Variants in ADAMTSL4 observed in about 807,000 individuals in gnomAD.
ADAMTSL4 encodes ADAMTS-like protein 4.
In ADAMTSL4, 97 loss-of-function variants were observed where a neutral mutation model predicts 122.8. That is an observed-to-expected ratio of 0.79 (90% CI 0.67 to 0.93). The LOEUF is 0.93. Among genes scored for constraint, ADAMTSL4 ranks in the 40% least tolerant of loss-of-function variants. ADAMTSL4 has a pLI of 0.00. For missense variants in ADAMTSL4, 1,408 were observed against 1,453.5 expected (o/e 0.97, Z 0.51); for synonymous variants, 592 against 568.0 (o/e 1.04, Z -0.60).
chr1:150,557,787 C>A, intron 13 of ADAMTSL4, 158 bp from the exon 14 acceptor site: 1 of 1,300,910 alleles, frequency 7.7e-7, no homozygotes, highest in Non-Finnish European at 1.0e-6. Flanking sequence ...AAAGCCATGG[C>A]AGGCTGAGCC....
rs201941243 is a variant in ADAMTSL4, at chr1:150,560,119, G to A, written c.3148G>A (p.Val1050Ile). 4.3e-5 allele frequency: 70 copies of A among 1,613,984 alleles called. No homozygotes were observed. The Middle Eastern group carries it at 4.9e-4, about 11-fold the overall frequency. ...CCTGGTGGTACAGGCCCGGCTCTGC[G>A]TCTACCCCTACTACACAGCCACCTG... ...CPLVVQARLCVYPYYTATCCR... is the reference protein window; with the variant it reads ...CPLVVQARLCIYPYYTATCCR... The change falls in exon 19 of 19, where the codon GTC (valine) becomes ATC (isoleucine). Residue 1050 changes from valine (V) to isoleucine (I), a missense_variant. Physicochemically the swap from Val to Ile is conservative, Grantham distance 29. Transcript: ENST00000271643.
chr1:150,552,262 T>A lies in ADAMTSL4; in HGVS notation c.-27T>A. 6.5e-7 allele frequency: 1 copy of A among 1,549,516 alleles called. No homozygotes were observed. Among genetic ancestry groups the A allele is most frequent in the African/African-American group, 1.4e-5 (1 of 72,928 alleles). ...TTTTTGTGACCAGTCCGCTCCTGCC[T>A]CCCCCTGGGGCAGTAGAGGGGGAGC... On this transcript the variant is annotated 5_prime_UTR_variant, in exon 3 of 19. Coordinates refer to ENST00000271643, the MANE Select transcript of ADAMTSL4 (RefSeq NM_019032.6). The surrounding 1 kb of genome is among the most constrained non-coding windows in gnomAD (Gnocchi z 4.0).
Position 150,560,302 on chromosome 1 carries a change from G to A in ADAMTSL4, c.*106G>A. ...TCCAGCCTGTCCCAGTCTCAGCAGG[G>A]ATGTCCTCCAGGTGACAGAGGGTGG... On this transcript the variant is annotated 3_prime_UTR_variant, in exon 19 of 19. Coordinates refer to ENST00000271643, the MANE Select transcript of ADAMTSL4 (RefSeq NM_019032.6). 1 of 1,522,480 alleles carries A rather than the reference G, an allele frequency of 6.6e-7. No individual in the cohort carries two copies. Among genetic ancestry groups the A allele is most frequent in the Non-Finnish European group, 8.9e-7 (1 of 1,127,122 alleles). The allele number at this position is 1,522,480 out of a possible 1,614,324, so 94.3% of individuals were successfully genotyped here.
At position 150,553,130 on chromosome 1, in the gene ADAMTSL4, C is replaced by T. The variant is rs775513427; in HGVS notation, c.311C>T (p.Pro104Leu). 9 of 1,613,094 alleles carry T rather than the reference C, an allele frequency of 5.6e-6. No homozygotes were observed. Among genetic ancestry groups the T allele is most frequent in the Non-Finnish European group, 7.6e-6 (9 of 1,179,750 alleles). Residue 104 changes from proline (P) to leucine (L), a missense_variant, in exon 5 of 19, where the codon CCC becomes CTC. Coordinates refer to ENST00000271643, the MANE Select transcript of ADAMTSL4 (RefSeq NM_019032.6). The part of the protein sequence containing the change: ...ALLPRGQGPR[P>L]QTSPETLPLY... ...CTCCCCCGGGGCCAGGGTCCCAGAC[C>T]CCAGACTTCTCCAGAAACCCTCCCC...
rs779222888 is a variant in ADAMTSL4, at chr1:150,554,134, C to T, written c.1131+12C>T. 31 of 1,598,118 alleles carry T rather than the reference C, an allele frequency of 1.9e-5. No homozygotes were observed. Among genetic ancestry groups the T allele is most frequent in the East Asian group, 8.9e-5 (4 of 44,890 alleles). On this transcript the variant is annotated intron_variant, in intron 6 of 18. Coordinates refer to ENST00000271643, the MANE Select transcript of ADAMTSL4 (RefSeq NM_019032.6). This position sits in a 1 kb window ranked among gnomAD's most constrained non-coding sequence, Gnocchi z 4.0. Reference sequence around the variant, plus strand: ...CCTGCAGCCAAGCGGTGAGTCTCCTCGGGCCTCCCCTCCCAACCCCGACCT... The same window carrying T: ...CCTGCAGCCAAGCGGTGAGTCTCCTTGGGCCTCCCCTCCCAACCCCGACCT...
In ADAMTSL4 at chr1:150,554,625, A is replaced by G. The variant is rs1046608087; in HGVS notation, c.1234+158A>G. 3.2e-6 allele frequency: 5 copies of G among 1,544,280 alleles called. No individual in the cohort carries two copies. The highest frequency in any genetic ancestry group is 4.4e-6 in the Non-Finnish European group (5 of 1,146,992). On this transcript the variant is annotated intron_variant, in intron 7 of 18. Coordinates refer to ENST00000271643, the MANE Select transcript of ADAMTSL4 (RefSeq NM_019032.6). This position sits in a 1 kb window ranked among gnomAD's most constrained non-coding sequence, Gnocchi z 4.0. The stretch of plus-strand genomic sequence containing the variant: ...TCTCCCTGGGGCTGGGTCAGGAGAC[A>G]GCACAGGTGGTGAGTGGTCTGCAGA...
Position 150,553,706 on chromosome 1 carries a change from G to T in ADAMTSL4, c.715G>T (p.Glu239Ter). ...TCTAAGCCCTGAAACTGCTCAGACA[G>T]AGGTGGCCCCCAGAACCAGGCCTGC... The part of the protein sequence containing the change: ...EPLSPETAQT[E>*]VAPRTRPAPL... The change falls in exon 6 of 19, where the codon GAG becomes TAG. Residue 239 changes from glutamate to a stop codon, truncating the protein, a stop_gained. Transcript: ENST00000271643. LOFTEE classifies it high-confidence loss of function. 1 of 1,612,676 alleles carries T rather than the reference G, an allele frequency of 6.2e-7. No homozygotes were observed. Among genetic ancestry groups the T allele is most frequent in the Non-Finnish European group, 8.5e-7 (1 of 1,179,642 alleles).
Position 150,560,107 on chromosome 1 carries a change from G to A in ADAMTSL4, c.3136G>A (p.Ala1046Thr), listed in dbSNP as rs777532908. 1 of 1,614,046 alleles carries A rather than the reference G, an allele frequency of 6.2e-7. No individual in the cohort carries two copies. The highest frequency in any genetic ancestry group is 1.1e-5 in the South Asian group (1 of 91,088). Residue 1046 changes from alanine (A) to threonine (T), a missense_variant, in exon 19 of 19, where the codon GCC becomes ACC. Physicochemically the swap from Ala to Thr is moderately conservative, Grantham distance 58. Transcript: ENST00000271643. Reference sequence around the variant, plus strand: ...TCCACATTGCCCCCTGGTGGTACAGGCCCGGCTCTGCGTCTACCCCTACTA... The same window carrying A: ...TCCACATTGCCCCCTGGTGGTACAGACCCGGCTCTGCGTCTACCCCTACTA... Reference protein sequence around the residue: ...SSPHCPLVVQARLCVYPYYTA... With the variant: ...SSPHCPLVVQTRLCVYPYYTA...
In ADAMTSL4 at chr1:150,553,191, A is replaced by G. The variant is rs1393276015; in HGVS notation, c.372A>G (p.Pro124=). 6.2e-7 allele frequency: 1 copy of G among 1,607,226 alleles called. No homozygotes were observed. The highest frequency in any genetic ancestry group is 1.1e-5 in the South Asian group (1 of 90,382). The change falls in exon 5 of 19, where the codon CCA becomes CCG. Residue 124 remains proline, a synonymous_variant. Transcript: ENST00000271643. The part of the protein sequence containing the change: ...YRTQSRGRGG[P]LRGPASHLGR... Reference sequence around the variant, plus strand: ...CACAGTCTCGGGGAAGGGGTGGCCCACTTCGAGGTCCCGCTTCCCACCTAG... The same window carrying G: ...CACAGTCTCGGGGAAGGGGTGGCCCGCTTCGAGGTCCCGCTTCCCACCTAG...
chr1:150,553,238 T>A lies in ADAMTSL4; in HGVS notation c.419T>A (p.Ile140Asn). The change falls in exon 5 of 19, where the codon ATT becomes AAT. Residue 140 changes from isoleucine (I) to asparagine (N), a missense_variant. Physicochemically the swap from Ile to Asn is moderately radical, Grantham distance 149. Coordinates refer to ENST00000271643, the MANE Select transcript of ADAMTSL4 (RefSeq NM_019032.6). ...SHLGREETQE[I>N]RAARRSRLRD... ...CTAGGGAGAGAGGAGACCCAGGAGA[T>A]TCGAGCGGCCAGGAGGTGAGAGGCC... 6.2e-7 allele frequency: 1 copy of A among 1,608,684 alleles called. No homozygotes were observed.
Position 150,552,433 on chromosome 1 carries a change from T to G in ADAMTSL4, c.21-110T>G. ...GGGAAGTGATGAGTAACTTCTGCTT[T>G]CTGAGAAGTTGGTAGTCAGGATATG... On this transcript the variant is annotated intron_variant, in intron 3 of 18. Coordinates refer to ENST00000271643, the MANE Select transcript of ADAMTSL4 (RefSeq NM_019032.6). This position sits in a 1 kb window ranked among gnomAD's most constrained non-coding sequence, Gnocchi z 4.0. 3 of 1,563,106 alleles carry G rather than the reference T, an allele frequency of 1.9e-6. No individual in the cohort carries two copies. Among genetic ancestry groups the G allele is most frequent in the Non-Finnish European group, 2.6e-6 (3 of 1,139,592 alleles).
Position 150,556,319 on chromosome 1 carries a change from C to G in ADAMTSL4, c.1529C>G (p.Ala510Gly), listed in dbSNP as rs747956829. The G allele has an allele frequency of 1.4e-5, 23 of 1,614,078 alleles. No homozygotes were observed. Among genetic ancestry groups the G allele is most frequent in the Non-Finnish European group, 1.9e-5 (23 of 1,180,018 alleles). The change falls in exon 9 of 19, where the codon GCC becomes GGC. Residue 510 changes from alanine (A) to glycine (G), a missense_variant. Ala to Gly is a moderately conservative substitution (Grantham distance 60, BLOSUM62 0). Transcript: ENST00000271643. This position sits in a 1 kb window ranked among gnomAD's most constrained non-coding sequence, Gnocchi z 4.1. Reference protein sequence around the residue: ...YQKILWIPAGALRLQIAQLRP... With the variant: ...YQKILWIPAGGLRLQIAQLRP... ...AAGATCTTGTGGATTCCAGCGGGAGCCTTGCGGCTCCAGATTGCCCAGCTC... is the reference window on the plus strand; with the variant it reads ...AAGATCTTGTGGATTCCAGCGGGAGGCTTGCGGCTCCAGATTGCCCAGCTC...
In ADAMTSL4 at chr1:150,559,648, A is replaced by G. The variant is rs1283885475; in HGVS notation, c.2944-113A>G. ...GGGCCCTCTCCATTTGGGATTTCACAATGTCCTAGGAGGGTCCCCACCACC... is the reference window on the plus strand; with the variant it reads ...GGGCCCTCTCCATTTGGGATTTCACGATGTCCTAGGAGGGTCCCCACCACC... On this transcript the variant is annotated intron_variant, in intron 17 of 18. Transcript: ENST00000271643. This position sits in a 1 kb window ranked among gnomAD's most constrained non-coding sequence, Gnocchi z 4.1. 3 of 1,580,534 alleles carry G rather than the reference A, an allele frequency of 1.9e-6. No individual in the cohort carries two copies. Among genetic ancestry groups the G allele is most frequent in the Non-Finnish European group, 2.6e-6 (3 of 1,160,204 alleles).
intron 7 of ADAMTSL4, among the ~76,000 whole-genome samples, chr1:150,555,222 G>A (rs587724675): frequency 4.6e-5 from 7 of 152,132 alleles, no homozygotes; most frequent in Middle Eastern, 3.4e-3. Flanking sequence ...ACTCCTGACC[G>A]AATGATGCAC....
At position 150,554,765 on chromosome 1, in the gene ADAMTSL4, C is replaced by T; in HGVS notation, c.1234+298C>T. The T allele has an allele frequency of 9.0e-7, 1 of 1,114,950 alleles. No individual in the cohort carries two copies. The highest frequency in any genetic ancestry group is 1.3e-6 in the Non-Finnish European group (1 of 789,800). 69.1% of individuals were successfully genotyped at this position (1,114,950 alleles called of 1,614,324 possible). ...ACAAGAGGGCCATGGTGGGAGAGAT[C>T]CTGTCCAGCCGTGACAGCCAGGTGG... On this transcript the variant is annotated intron_variant, in intron 7 of 18. Transcript: ENST00000271643. The surrounding 1 kb of genome is among the most constrained non-coding windows in gnomAD (Gnocchi z 4.0).
At position 150,553,670 on chromosome 1, in the gene ADAMTSL4, C is replaced by G. The variant is rs150189250; in HGVS notation, c.679C>G (p.Gln227Glu). ...ACTGTCTGTCCACACCCCATCCCCC[C>G]AAGCAGAACCTCTAAGCCCTGAAAC... The part of the protein sequence containing the change: ...TELSVHTPSP[Q>E]AEPLSPETAQ... The change falls in exon 6 of 19, where the codon CAA (glutamine) becomes GAA (glutamate). Residue 227 changes from glutamine to glutamate, a missense_variant. Gln to Glu is a conservative substitution (Grantham distance 29, BLOSUM62 2). Coordinates refer to ENST00000271643, the MANE Select transcript of ADAMTSL4 (RefSeq NM_019032.6). The G allele has an allele frequency of 1.9e-6, 3 of 1,613,428 alleles. No homozygotes were observed. The highest frequency in any genetic ancestry group is 1.3e-5 in the African/African-American group (1 of 74,722).
chr1:150,556,198 C>T lies in ADAMTSL4; in HGVS notation c.1408C>T (p.Arg470Cys), dbSNP rs1405125968. Residue 470 changes from arginine (R) to cysteine (C), a missense_variant, in exon 9 of 19, where the codon CGT (arginine) becomes TGT (cysteine). Transcript: ENST00000271643. The surrounding 1 kb of genome is among the most constrained non-coding windows in gnomAD (Gnocchi z 4.1). The part of the protein sequence containing the change: ...GCDGILGSGR[R>C]PDGCGVCGGD... ...TGATGGGATCCTTGGCTCTGGCAGG[C>T]GTCCTGATGGCTGTGGAGTCTGTGG... 3.7e-6 allele frequency: 6 copies of T among 1,614,070 alleles called. No homozygotes were observed. Among genetic ancestry groups the T allele is most frequent in the Non-Finnish European group, 5.1e-6 (6 of 1,180,052 alleles).
chr1:150,554,081 T>A lies in ADAMTSL4; in HGVS notation c.1090T>A (p.Cys364Ser). 6.2e-7 allele frequency: 1 copy of A among 1,602,598 alleles called. No homozygotes were observed. The highest frequency in any genetic ancestry group is 8.5e-7 in the Non-Finnish European group (1 of 1,179,916). The part of the protein sequence containing the change: ...LFAPSSPIPR[C>S]SGESEQLRAC... ...TGCTCCCAGTAGCCCTATTCCAAGA[T>A]GTTCTGGGGAGAGTGAACAGCTAAG... The change falls in exon 6 of 19, where the codon TGT (cysteine) becomes AGT (serine). Residue 364 changes from cysteine to serine, a missense_variant. By Grantham distance (112) the Cys-to-Ser change is moderately radical (BLOSUM62 -1). Transcript: ENST00000271643. The surrounding 1 kb of genome is among the most constrained non-coding windows in gnomAD (Gnocchi z 4.0).
At chr1:150,558,441 C>T (rs1371598453) in intron 14 of ADAMTSL4, 32 bp from the exon 15 acceptor site, 1 of 1,611,624 alleles carries the variant, frequency 6.2e-7, no homozygotes, top group African/African-American at 1.3e-5. Flanking sequence ...GTCTGGGAAG[C>T]CCAGCTCCCT....
Sources: allele counts gnomAD v4.1 joint callset (sites outside exome capture counted in the v4.1 genomes callset), GRCh38; gene constraint gnomAD v4.1.1; non-coding constraint Gnocchi (gnomAD v3.1); transcripts MANE v1.5; gene names NCBI Gene and HGNC (gene_info 2026-07-23, HGNC 2026-07-21).